Variants in CSNK1A1 observed in about 807,000 individuals in gnomAD.
CSNK1A1 encodes casein kinase 1 alpha 1, also known as casein kinase I isoform alpha.
A neutral mutation model predicts 46.1 loss-of-function variants in CSNK1A1; 7 were observed. That is an observed-to-expected ratio of 0.15 (90% confidence interval 0.09 to 0.29). The LOEUF (loss-of-function observed/expected upper bound fraction) is 0.29, where lower values mean the gene tolerates loss of function less well. Ranked by LOEUF, CSNK1A1 falls within the 10% of genes least tolerant of loss-of-function variation. The probability of loss-of-function intolerance (pLI) is 1.00; values close to 1 mark genes in which losing one functional copy is unlikely to be tolerated. For missense variants in CSNK1A1, 96 were observed against 417.1 expected, an observed-to-expected ratio of 0.23 and a Z score of 6.71; for synonymous variants, 137 against 141.5, an observed-to-expected ratio of 0.97 and a Z score of 0.23.
intron 2 of CSNK1A1, among the ~76,000 whole-genome samples, chr5:149,533,013 C>T (rs1761948452): frequency 6.6e-6 from 1 of 152,170 alleles, no homozygotes; most frequent in Admixed American, 6.5e-5. Flanking sequence ...TTTCCCTCTT[C>T]TTGCTGCCTT....
intron 2 of CSNK1A1, among the ~76,000 whole-genome samples, chr5:149,527,641 C>G (rs191484301): frequency 3.3e-5 from 5 of 152,260 alleles, no homozygotes; most frequent in Admixed American, 3.3e-4. Context: ...TCTCCTTTCC[C>G]TTTTCCTCAT....
chr5:149,527,370 C>T (rs965855366), intron 2 of CSNK1A1, among the ~76,000 whole-genome samples: 1 of 152,136 alleles, frequency 6.6e-6, no homozygotes, highest in African/African-American at 2.4e-5. Context: ...TCAGCTGATC[C>T]ACCTCTTGGC....
chr5:149,503,329 C>T lies in CSNK1A1; in HGVS notation c.1006+2118G>A, dbSNP rs557839622. The T allele has an allele frequency of 1.8e-5, 18 of 985,372 alleles. No homozygotes were observed. In the African/African-American group the frequency reaches 2.6e-4, roughly 14 times the overall value. 61.0% of individuals were successfully genotyped at this position (985,372 alleles called of 1,614,324 possible). ...TATGAGAGTTTCATGTAAGATTTGT[C>T]TTGAGCACAAAGTTTTGTATTAAAA... On this transcript the variant is annotated intron_variant, in intron 9 of 9. Coordinates refer to ENST00000377843, the MANE Select transcript of CSNK1A1 (RefSeq NM_001892.6).
At chr5:149,506,409 G>T (rs1186136739) in intron 8 of CSNK1A1, among the ~76,000 whole-genome samples, 1 of 151,782 alleles carries the variant, frequency 6.6e-6, no homozygotes, top group African/African-American at 2.4e-5. Flanking sequence ...GCTAATTTTT[G>T]TATTTTTAGT....
At position 149,525,292 on chromosome 5, in the gene CSNK1A1, A is replaced by G; in HGVS notation, c.231-121T>C. 9.7e-7 allele frequency: 1 copy of G among 1,026,122 alleles called. No homozygotes were observed. Among genetic ancestry groups the G allele is most frequent in the South Asian group, 2.3e-5 (1 of 43,442 alleles). The allele number at this position is 1,026,122 out of a possible 1,614,324, so 63.6% of individuals were successfully genotyped here. A position where few individuals can be genotyped will look rare whatever the true frequency, so the allele number is the denominator to read the frequency against. On this transcript the variant is annotated intron_variant, in intron 2 of 9. Coordinates refer to ENST00000377843, the MANE Select transcript of CSNK1A1 (RefSeq NM_001892.6). The surrounding 1 kb of genome is among the most constrained non-coding windows in gnomAD (Gnocchi z 4.2). The stretch of plus-strand genomic sequence containing the variant: ...TATTATATAAGGCGAATGTTCCCCT[A>G]CTCAGAAGACAAACCCACTAATTAA...
chr5:149,516,062 A>G (rs972223954), intron 4 of CSNK1A1, among the ~76,000 whole-genome samples: 9 of 152,208 alleles, frequency 5.9e-5, no homozygotes, highest in African/African-American at 1.7e-4. Context: ...GCTCATGCCT[A>G]TAACGCCAGC....
Position 149,525,138 on chromosome 5 carries a change from T to C in CSNK1A1, c.264A>G (p.Leu88=). 6.2e-7 allele frequency: 1 copy of C among 1,612,102 alleles called. No individual in the cohort carries two copies. Among genetic ancestry groups the C allele is most frequent in the South Asian group, 1.1e-5 (1 of 90,680 alleles). Residue 88 remains leucine (L), a synonymous_variant, in exon 3 of 10, where the codon CTA becomes CTG. Coordinates refer to ENST00000377843, the MANE Select transcript of CSNK1A1 (RefSeq NM_001892.6). This position sits in a 1 kb window ranked among gnomAD's most constrained non-coding sequence, Gnocchi z 4.2. ...GGCTAGGTCCCAGAAGATCCATGAC[T>C]AGTACATTGTAGTCTTTTTCCTGAC... ...WYGQEKDYNV[L]VMDLLGPSLE... is the part of the protein sequence containing the mutation.
intron 2 of CSNK1A1, chr5:149,545,486 G>A: frequency 1.7e-6 from 1 of 581,820 alleles, no homozygotes. Flanking sequence ...TTGGCCTTTG[G>A]CCCACACAGT....
At chr5:149,497,926 T>G in intron 9 of CSNK1A1, 1 of 766,842 alleles carries the variant, frequency 1.3e-6, no homozygotes. Flanking sequence ...CTCTGCCTCC[T>G]GGGTTCAAGC....
intron 9 of CSNK1A1, chr5:149,503,226 G>A: frequency 1.0e-6 from 1 of 985,440 alleles, no homozygotes; most frequent in Non-Finnish European, 1.2e-6. Context: ...TGCTGGGCTG[G>A]GGGTAGAAGT....
intron 5 of CSNK1A1, 75 bp from the exon 6 acceptor site, chr5:149,511,947 A>C: frequency 8.9e-7 from 1 of 1,119,518 alleles, no homozygotes; most frequent in African/African-American, 1.6e-5. Flanking sequence ...TCAAGTACCC[A>C]GAAGAAATGT....
At chr5:149,503,081 T>A (rs1561751551) in intron 9 of CSNK1A1, 1 of 985,318 alleles carries the variant, frequency 1.0e-6, no homozygotes, top group African/African-American at 1.7e-5. Flanking sequence ...ATTCCTTAAA[T>A]AAAGAACCAC....
intron 2 of CSNK1A1, among the ~76,000 whole-genome samples, chr5:149,548,074 T>C (rs552924453): frequency 2.0e-5 from 3 of 152,218 alleles, no homozygotes; most frequent in African/African-American, 7.2e-5. Context: ...TTTCACCACG[T>C]TGGCCAGGCT....
intron 2 of CSNK1A1, among the ~76,000 whole-genome samples, chr5:149,547,975 A>C (rs758139700): frequency 6.6e-6 from 1 of 151,834 alleles, no homozygotes; most frequent in Non-Finnish European, 1.5e-5. Context: ...GGTTCAAGCT[A>C]TTCTCCTGCT....
intron 9 of CSNK1A1, chr5:149,505,063 T>A: frequency 1.0e-6 from 1 of 989,774 alleles, no homozygotes; most frequent in Non-Finnish European, 1.2e-6. Flanking sequence ...ACCAAATTCA[T>A]TATTAGAAAT....
intron 2 of CSNK1A1, among the ~76,000 whole-genome samples, chr5:149,528,647 CA>C (rs1415299904): frequency 6.6e-6 from 1 of 152,128 alleles, no homozygotes; most frequent in Non-Finnish European, 1.5e-5. Flanking sequence ...ACCCAGATGC[CA>C]AAGAAATCTT....
At chr5:149,520,414 ATTGAG>A (rs763621154) in intron 3 of CSNK1A1, 26 bp from the exon 4 acceptor site, 7 of 1,319,128 alleles carry the variant, frequency 5.3e-6, no homozygotes, top group African/African-American at 2.9e-5. Context: ...GGGAGAGATA[ATTGAG>A]TTAAGTAGTA....
intron 3 of CSNK1A1, among the ~76,000 whole-genome samples, chr5:149,523,254 G>A (rs773545386): frequency 2.2e-4 from 34 of 152,224 alleles, no homozygotes; most frequent in Non-Finnish European, 3.8e-4. Flanking sequence ...TGGCCAGGCT[G>A]GTCTCGAACT....
At position 149,551,133 on chromosome 5, in the gene CSNK1A1, T is replaced by G; in HGVS notation, c.-169A>C. On this transcript the variant is annotated 5_prime_UTR_variant, in exon 1 of 10. Coordinates refer to ENST00000377843, the MANE Select transcript of CSNK1A1 (RefSeq NM_001892.6). ...CCAGAATCAGCAGAGGGGAACCTGA[T>G]CACCGCCGCTCAGTCAGGTTTCTTT... 1 of 581,948 alleles carries G rather than the reference T, an allele frequency of 1.7e-6. No homozygotes were observed. The highest frequency in any genetic ancestry group is 2.3e-5 in the South Asian group (1 of 44,314). 36.0% of individuals were successfully genotyped at this position (581,948 alleles called of 1,614,324 possible).
Sources: gnomAD v4.1 joint callset for allele counts (sites outside exome capture counted in the v4.1 genomes callset) on GRCh38, gnomAD v4.1.1 for gene constraint, Gnocchi (gnomAD v3.1) non-coding constraint, MANE v1.5 for transcripts, NCBI Gene and HGNC (gene_info 2026-07-23, HGNC 2026-07-21) for gene names.